Variants in KCND2 observed in about 807,000 individuals in gnomAD.
KCND2 encodes the protein A-type voltage-gated potassium channel KCND2.
KCND2 carries 16 observed loss-of-function variants against 54.4 expected under a neutral mutation model. That is an observed-to-expected ratio of 0.29 (90% CI 0.20 to 0.45). KCND2 has a LOEUF of 0.45. Ranked by LOEUF, KCND2 falls within the 20% of genes least tolerant of loss-of-function variation. KCND2 has a pLI of 1.00. For missense variants in KCND2, 486 were observed against 824.2 expected (o/e 0.59, Z 5.02); for synonymous variants, 317 against 310.7 (o/e 1.02, Z -0.21).
intron 1 of KCND2, among the ~76,000 whole-genome samples, chr7:120,692,712 G>A (rs1359807499): frequency 3.9e-5 from 6 of 152,170 alleles, no homozygotes; most frequent in Admixed American, 2.0e-4. Context: ...CAGCAAGTAC[G>A]CTCACCTCGA....
intron 1 of KCND2, among the ~76,000 whole-genome samples, chr7:120,629,102 A>T (rs1201003218): frequency 6.6e-6 from 1 of 152,216 alleles, no homozygotes; most frequent in Admixed American, 6.5e-5. Flanking sequence ...AAAAGAAAGA[A>T]CCATGCACAA....
At chr7:120,531,760 A>G (rs1791845784) in intron 1 of KCND2, among the ~76,000 whole-genome samples, 1 of 152,100 alleles carries the variant, frequency 6.6e-6, no homozygotes, top group Non-Finnish European at 1.5e-5. Flanking sequence ...ACTCCTTTAC[A>G]AAAGACTTTA....
At chr7:120,714,675 C>T (rs769056875) in intron 1 of KCND2, among the ~76,000 whole-genome samples, 9 of 151,994 alleles carry the variant, frequency 5.9e-5, no homozygotes, top group East Asian at 3.9e-4. Context: ...AATCTCTTTA[C>T]GGTAGCATTC....
intron 1 of KCND2, among the ~76,000 whole-genome samples, chr7:120,525,411 T>C (rs1313986122): frequency 6.6e-6 from 1 of 152,206 alleles, no homozygotes; most frequent in African/African-American, 2.4e-5. Context: ...CTGGAAATGT[T>C]CTTAATTTAT....
chr7:120,352,459 T>TAC (rs199700951), intron 1 of KCND2, among the ~76,000 whole-genome samples: 225 of 148,208 alleles, frequency 1.5e-3, no homozygotes, highest in African/African-American at 5.2e-3. Flanking sequence ...CACACATACA[T>TAC]ACACACACAC....
intron 1 of KCND2, among the ~76,000 whole-genome samples, chr7:120,579,641 T>TA (rs769791780): frequency 8.3e-5 from 10 of 120,112 alleles, no homozygotes; most frequent in South Asian, 2.5e-4. Flanking sequence ...AATAAATAAA[T>TA]AAATAAAATA....
chr7:120,559,561 T>C (rs1049984261), intron 1 of KCND2, among the ~76,000 whole-genome samples: 1 of 152,212 alleles, frequency 6.6e-6, no homozygotes, highest in African/African-American at 2.4e-5. Flanking sequence ...GATCATTTGG[T>C]ATCTGGTTTT....
In KCND2 at chr7:120,274,025, G is replaced by A. The variant is rs1799130520; in HGVS notation, c.-608G>A. 1 of 157,274 alleles carries A rather than the reference G, an allele frequency of 6.4e-6. No individual in the cohort carries two copies. The highest frequency in any genetic ancestry group is 1.4e-5 in the Non-Finnish European group (1 of 71,026). The allele number at this position is 157,274 out of a possible 1,614,324, so 9.7% of individuals were successfully genotyped here. ...CATCTCTGCAAATACAGCCCGAGGA[G>A]TAGAGGCAGCAGCAGCTGGACCCCC... On this transcript the variant is annotated 5_prime_UTR_variant, in exon 1 of 6. Coordinates refer to ENST00000331113, the MANE Select transcript of KCND2 (RefSeq NM_012281.3).
intron 1 of KCND2, among the ~76,000 whole-genome samples, chr7:120,528,612 A>G (rs73437857): frequency 0.017 from 2,587 of 152,270 alleles, 76 homozygotes; most frequent in African/African-American, 0.058. Context: ...GGCAGAAATT[A>G]GCTAACCCAG....
chr7:120,642,361 C>A (rs1408674906), intron 1 of KCND2, among the ~76,000 whole-genome samples: 3 of 147,870 alleles, frequency 2.0e-5, no homozygotes, highest in African/African-American at 7.5e-5. Context: ...GAGTTCGAGA[C>A]CAGCCTGGCC....
intron 1 of KCND2, among the ~76,000 whole-genome samples, chr7:120,508,481 C>A (rs1366943670): frequency 6.6e-6 from 1 of 151,882 alleles, no homozygotes; most frequent in Non-Finnish European, 1.5e-5. Context: ...TATAATTCTC[C>A]CATTTATTCT....
chr7:120,507,440 G>A lies in KCND2; in HGVS notation c.1116-225463G>A, dbSNP rs185232747. Among the ~76,000 whole-genome samples the A allele has an allele frequency of 5.3e-5, 8 of 151,944 alleles. No individual in the cohort carries two copies. In the East Asian group the frequency reaches 1.6e-3, roughly 29 times the overall value. On this transcript the variant is annotated intron_variant, in intron 1 of 5. Transcript: ENST00000331113. Reference sequence around the variant, plus strand: ...ACATGGGTAAAGACTACCTCTTTCAGCCTTCCTTGCAGTTAGGTGTCACCA... The same window carrying A: ...ACATGGGTAAAGACTACCTCTTTCAACCTTCCTTGCAGTTAGGTGTCACCA...
intron 5 of KCND2, 103 bp from the exon 6 acceptor site, chr7:120,747,578 C>A: frequency 1.3e-6 from 1 of 780,484 alleles, no homozygotes; most frequent in East Asian, 2.7e-5. Flanking sequence ...TTTCCTTAGA[C>A]AATTAAAATA....
chr7:120,579,217 T>C (rs1173913036), intron 1 of KCND2, among the ~76,000 whole-genome samples: 1 of 152,158 alleles, frequency 6.6e-6, no homozygotes, highest in South Asian at 2.1e-4. Context: ...TTTTTTTCCT[T>C]TTAAGCAATA....
chr7:120,328,837 G>A (rs1375022278), intron 1 of KCND2, among the ~76,000 whole-genome samples: 3 of 152,020 alleles, frequency 2.0e-5, no homozygotes, highest in Non-Finnish European at 1.5e-5. Context: ...ATGCAAGTTA[G>A]CAGATGATAT....
chr7:120,503,134 T>C (rs988928497), intron 1 of KCND2, among the ~76,000 whole-genome samples: 5 of 152,032 alleles, frequency 3.3e-5, no homozygotes, highest in Non-Finnish European at 7.4e-5. Context: ...ACTTCAGCCT[T>C]TTAGTAGTTC....
intron 1 of KCND2, among the ~76,000 whole-genome samples, chr7:120,384,382 T>C (rs2116035124): frequency 6.6e-6 from 1 of 152,168 alleles, no homozygotes; most frequent in African/African-American, 2.4e-5. Context: ...TCAAAGTGGG[T>C]ATTATTTAAA....
chr7:120,699,507 A>G (rs779989500), intron 1 of KCND2, among the ~76,000 whole-genome samples: 18 of 152,210 alleles, frequency 1.2e-4, no homozygotes, highest in Non-Finnish European at 2.2e-4. Flanking sequence ...ATTAGTGACA[A>G]CACAAGGTGA....
intron 1 of KCND2, among the ~76,000 whole-genome samples, chr7:120,408,836 T>C (rs1801404594): frequency 6.6e-6 from 1 of 151,948 alleles, no homozygotes; most frequent in Admixed American, 6.6e-5. Flanking sequence ...TAGTACATAT[T>C]TGAAGACCAC....
Sources: gnomAD v4.1 joint callset for allele counts (sites outside exome capture counted in the v4.1 genomes callset) on GRCh38, gnomAD v4.1.1 for gene constraint, MANE v1.5 for transcripts, NCBI Gene and HGNC (gene_info 2026-07-23, HGNC 2026-07-21) for gene names.